GPN1: variants seen among roughly 807,000 people sequenced by gnomAD.
GPN1 encodes GPN-loop GTPase 1.
GPN1 carries 44 observed loss-of-function variants against 55.9 expected under a neutral mutation model. That is an observed-to-expected ratio of 0.79 (90% CI 0.62 to 1.01). GPN1 has a LOEUF of 1.01. Ranked by LOEUF, GPN1 falls within the 50% of genes least tolerant of loss-of-function variation. GPN1 has a pLI of 0.00. For missense variants in GPN1, 466 were observed against 462.8 expected (o/e 1.01, Z -0.06); for synonymous variants, 179 against 162.5 (o/e 1.10, Z -0.77).
intron 7 of GPN1, among the ~76,000 whole-genome samples, chr2:27,637,399 C>G (rs1426354626): frequency 6.6e-6 from 1 of 152,032 alleles, no homozygotes; most frequent in African/African-American, 2.4e-5. Context: ...ATGAGTAAAC[C>G]TTGCAGTTCA....
In GPN1 at chr2:27,631,046, G is replaced by A; in HGVS notation, c.225G>A (p.Lys75=). ...PANIDIRDTV[K]YKEVMKQYGL... ...CCTCAGATATTCGTGATACTGTAAAGTATAAAGAAGTAATGAAACAGTATC... is the reference window on the plus strand; with the variant it reads ...CCTCAGATATTCGTGATACTGTAAAATATAAAGAAGTAATGAAACAGTATC... The change falls in exon 3 of 14, where the codon AAG becomes AAA. Residue 75 remains lysine, a synonymous_variant. Transcript: ENST00000610189. The A allele has an allele frequency of 7.3e-7, 1 of 1,375,522 alleles. No individual in the cohort carries two copies. The allele number at this position is 1,375,522 out of a possible 1,614,324, so 85.2% of individuals were successfully genotyped here.
At chr2:27,639,959 T>C (rs571118820) in intron 9 of GPN1, 84 bp from the exon 10 acceptor site, 1 of 971,002 alleles carries the variant, frequency 1.0e-6, no homozygotes, top group East Asian at 2.4e-5. Context: ...TTACTAAGAT[T>C]TTATGACATT....
chr2:27,648,281 A>C (rs1253807231), intron 13 of GPN1, among the ~76,000 whole-genome samples: 1 of 152,160 alleles, frequency 6.6e-6, no homozygotes, highest in Admixed American at 6.5e-5. Flanking sequence ...CTGCTTTGGG[A>C]GGCCAAGTCA....
intron 7 of GPN1, 23 bp downstream of exon 7, chr2:27,635,257 A>G (rs1261811732): frequency 2.5e-6 from 3 of 1,209,724 alleles, no homozygotes; most frequent in Admixed American, 1.9e-5. Context: ...TGGTGGGGAA[A>G]GTGTTCCATC....
chr2:27,641,993 T>TG (rs1301489522), intron 11 of GPN1: 3 of 154,278 alleles, frequency 1.9e-5, no homozygotes, highest in Non-Finnish European at 4.3e-5. Context: ...CAGGTTTTTG[T>TG]GTTTTTTTTC....
Position 27,650,408 on chromosome 2 carries a change from C to G in GPN1, c.*208C>G. 1 of 374,966 alleles carries G rather than the reference C, an allele frequency of 2.7e-6. No homozygotes were observed. Among genetic ancestry groups the G allele is most frequent in the Non-Finnish European group, 4.9e-6 (1 of 203,582 alleles). 23.2% of individuals were successfully genotyped at this position (374,966 alleles called of 1,614,324 possible). Reference sequence around the variant, plus strand: ...CCTGGCAGGTTAATGCTGATTATTCCTTGGCCTTTCCCTTGTATTTATGCA... The same window carrying G: ...CCTGGCAGGTTAATGCTGATTATTCGTTGGCCTTTCCCTTGTATTTATGCA... On this transcript the variant is annotated 3_prime_UTR_variant, in exon 14 of 14. Coordinates refer to ENST00000610189, the MANE Select transcript of GPN1 (RefSeq NM_007266.4).
chr2:27,631,798 T>C, intron 3 of GPN1, 36 bp from the exon 4 acceptor site: 1 of 1,229,648 alleles, frequency 8.1e-7, no homozygotes, highest in South Asian at 1.2e-5. Flanking sequence ...TATAATCTAA[T>C]CTATAAGCGA....
At position 27,647,824 on chromosome 2, in the gene GPN1, TTTTC is replaced by T; in HGVS notation, c.932-11_932-8del. On this transcript the variant is annotated splice_region_variant and splice_polypyrimidine_tract_variant and intron_variant, in intron 12 of 13. Transcript: ENST00000610189. ...TGAGGAGGCATATCACTGATAGGTG[TTTTC>T]ACTGTAGACAGCTTATCTCCTGTGC... The T allele has an allele frequency of 6.5e-7, 1 of 1,542,622 alleles. No homozygotes were observed. The highest frequency in any genetic ancestry group is 9.0e-7 in the Non-Finnish European group (1 of 1,114,810).
intron 5 of GPN1, 123 bp downstream of exon 5, chr2:27,632,793 GAA>G: frequency 1.5e-6 from 1 of 654,996 alleles, no homozygotes; most frequent in East Asian, 2.8e-5. Flanking sequence ...CATTAGGAGT[GAA>G]AAAAAAATTG....
At chr2:27,629,299 A>C (rs1368887350) in intron 1 of GPN1, 130 bp downstream of exon 1, 1 of 1,465,316 alleles carries the variant, frequency 6.8e-7, no homozygotes, top group Admixed American at 2.0e-5. Context: ...CTTCCCATCA[A>C]CTTTAGTTCC....
rs1674506957 is a variant in GPN1 at position 27,650,936 on chromosome 2, G to A, written c.*736G>A. Reference sequence around the variant, plus strand: ...CTTCTCCTGTTCAACAGAGGCTTAAGGCCAGATGTCCAAACTTGTCTCAAT... The same window carrying A: ...CTTCTCCTGTTCAACAGAGGCTTAAAGCCAGATGTCCAAACTTGTCTCAAT... On this transcript the variant is annotated 3_prime_UTR_variant, in exon 14 of 14. Coordinates refer to ENST00000610189, the MANE Select transcript of GPN1 (RefSeq NM_007266.4). 1 of 152,702 alleles carries A rather than the reference G, an allele frequency of 6.5e-6. No individual in the cohort carries two copies. Among genetic ancestry groups the A allele is most frequent in the South Asian group, 2.1e-4 (1 of 4,834 alleles). The allele number at this position is 152,702 out of a possible 1,614,324, so 9.5% of individuals were successfully genotyped here. A position where few individuals can be genotyped will look rare whatever the true frequency, so the allele number is the denominator to read the frequency against.
intron 11 of GPN1, among the ~76,000 whole-genome samples, chr2:27,641,889 A>G (rs1402843012): frequency 2.0e-5 from 3 of 152,200 alleles, no homozygotes; most frequent in Non-Finnish European, 2.9e-5. Context: ...AGGTGCCACC[A>G]TGCCCAGCCT....
At chr2:27,633,537 G>A (rs993814020) in intron 5 of GPN1, among the ~76,000 whole-genome samples, 1 of 152,146 alleles carries the variant, frequency 6.6e-6, no homozygotes, top group Non-Finnish European at 1.5e-5. Flanking sequence ...GTGCAGTGGT[G>A]TGATCTTGGC....
chr2:27,644,236 T>C (rs1674105098), intron 12 of GPN1, among the ~76,000 whole-genome samples: 1 of 152,174 alleles, frequency 6.6e-6, no homozygotes, highest in Non-Finnish European at 1.5e-5. Flanking sequence ...CTGTTTGTAA[T>C]AAGAATTTTG....
intron 12 of GPN1, among the ~76,000 whole-genome samples, chr2:27,644,218 C>A (rs1056901797): frequency 4.6e-5 from 7 of 152,110 alleles, no homozygotes; most frequent in Admixed American, 3.9e-4. Flanking sequence ...TTAAATATGG[C>A]TGTTTTTCTG....
At chr2:27,642,956 T>TACACACACACACACACACAC (rs764872511) in intron 12 of GPN1, among the ~76,000 whole-genome samples, 98 of 85,808 alleles carry the variant, frequency 1.1e-3, no homozygotes, top group East Asian at 8.7e-3. Context: ...TATATATATA[T>TACACACACACACACACACAC]ATACACACAC....
chr2:27,631,522 G>A (rs780784968), intron 3 of GPN1: 3 of 481,366 alleles, frequency 6.2e-6, no homozygotes, highest in Non-Finnish European at 1.1e-5. Flanking sequence ...GAGGATCAGA[G>A]CCGGAGGTGT....
At position 27,647,929 on chromosome 2, in the gene GPN1, A is replaced by C. The variant is rs774972630; in HGVS notation, c.1025A>C (p.Asp342Ala). The C allele has an allele frequency of 1.9e-6, 3 of 1,604,320 alleles. No individual in the cohort carries two copies. The African/African-American group carries it at 4.0e-5, about 21-fold the overall frequency. The change falls in exon 13 of 14, where the codon GAC becomes GCC. Residue 342 changes from aspartate to alanine, a missense_variant. Physicochemically the swap from Asp to Ala is moderately radical, Grantham distance 126. Transcript: ENST00000610189. ...GAGGAAGCAGACAGCGATACTGATG[A>C]CATTGACCACAGAGGTGAGAGGTGG... The part of the protein sequence containing the change: ...EDEEADSDTD[D>A]IDHRVTEESH...
In GPN1 at chr2:27,650,172, C is replaced by G. The variant is rs369860605; in HGVS notation, c.1097C>G (p.Ala366Gly). The change falls in exon 14 of 14, where the codon GCA becomes GGA. Residue 366 changes from alanine (A) to glycine (G), a missense_variant. By Grantham distance (60) the Ala-to-Gly change is moderately conservative (BLOSUM62 0). Coordinates refer to ENST00000610189, the MANE Select transcript of GPN1 (RefSeq NM_007266.4). ...AFQNFMQESM[A>G]QYWKRNNK ...CAGAATTTTATGCAAGAATCGATGGCACAATACTGGAAGAGAAACAATAAA... is the reference window on the plus strand; with the variant it reads ...CAGAATTTTATGCAAGAATCGATGGGACAATACTGGAAGAGAAACAATAAA... The G allele has an allele frequency of 3.6e-5, 57 of 1,601,388 alleles. No individual in the cohort carries two copies. The highest frequency in any genetic ancestry group is 4.7e-5 in the Non-Finnish European group (55 of 1,168,716).
Sources: allele counts gnomAD v4.1 joint callset (sites outside exome capture counted in the v4.1 genomes callset), GRCh38; gene constraint gnomAD v4.1.1; transcripts MANE v1.5; gene names NCBI Gene and HGNC (gene_info 2026-07-23, HGNC 2026-07-21).